Variants in MED13L observed in about 807,000 individuals in gnomAD.
MED13L encodes mediator complex subunit 13L.
MED13L carries 7 observed loss-of-function variants against 220.9 expected under a neutral mutation model. That is an observed-to-expected ratio of 0.03 (90% CI 0.02 to 0.06). MED13L has a LOEUF of 0.06. Among genes scored for constraint, MED13L ranks in the 10% least tolerant of loss-of-function variants. MED13L has a pLI of 1.00. For missense variants in MED13L, 1,965 were observed against 2,760.5 expected, an observed-to-expected ratio of 0.71 and a Z score of 6.46; for synonymous variants, 1,011 against 1,015.2, an observed-to-expected ratio of 1.00 and a Z score of 0.08.
At chr12:116,195,692 C>T (rs1287777687) in intron 2 of MED13L, among the ~76,000 whole-genome samples, 1 of 151,998 alleles carries the variant, frequency 6.6e-6, no homozygotes, top group Non-Finnish European at 1.5e-5. Context: ...CTCAAGCGAT[C>T]CACCCACCTC....
rs369723179 is a variant in MED13L, at chr12:116,027,413, CTG to C, written c.480-4814_480-4813del. Reference sequence around the variant, plus strand: ...CTCCAGCCGGGGTGACAGAGAGACTCTGTCTCAAAACAAACAAACAAACAAAC... The same window carrying C: ...CTCCAGCCGGGGTGACAGAGAGACTCTCTCAAAACAAACAAACAAACAAAC... On this transcript the variant is annotated intron_variant, in intron 4 of 30. Transcript: ENST00000281928. Among the ~76,000 whole-genome samples, 197 of 152,252 alleles carry C rather than the reference CTG, an allele frequency of 1.3e-3. 1 individual carries two copies. Among genetic ancestry groups the C allele is most frequent in the Middle Eastern group, 3.4e-3 (1 of 294 alleles).
chr12:116,210,085 C>T (rs564812435), intron 2 of MED13L, among the ~76,000 whole-genome samples: 5 of 152,254 alleles, frequency 3.3e-5, no homozygotes, highest in African/African-American at 9.6e-5. Flanking sequence ...CCCACTGCAA[C>T]TTACATATGA....
intron 4 of MED13L, among the ~76,000 whole-genome samples, chr12:116,076,573 C>A (rs12322237): frequency 1.3e-5 from 2 of 151,952 alleles, no homozygotes; most frequent in African/African-American, 4.8e-5. Flanking sequence ...AACTACAAAA[C>A]GCACTCACTA....
chr12:116,105,144 T>C (rs1873444228), intron 3 of MED13L, among the ~76,000 whole-genome samples: 1 of 152,246 alleles, frequency 6.6e-6, no homozygotes, highest in Non-Finnish European at 1.5e-5. Flanking sequence ...GCAGATTTTT[T>C]TTCCCATCGT....
intron 2 of MED13L, among the ~76,000 whole-genome samples, chr12:116,134,440 G>A (rs1001280182): frequency 6.6e-6 from 1 of 152,032 alleles, no homozygotes; most frequent in Non-Finnish European, 1.5e-5. Context: ...ATATAACAGG[G>A]TACTAGGACG....
At chr12:116,124,640 T>G (rs1417738918) in intron 2 of MED13L, among the ~76,000 whole-genome samples, 1 of 152,186 alleles carries the variant, frequency 6.6e-6, no homozygotes, top group Non-Finnish European at 1.5e-5. Context: ...AAAACAAGAA[T>G]GTAGAATAAT....
intron 4 of MED13L, among the ~76,000 whole-genome samples, chr12:116,089,356 C>T (rs778954330): frequency 2.4e-4 from 37 of 152,002 alleles, no homozygotes; most frequent in Admixed American, 3.3e-4. Flanking sequence ...CAGCACCCGG[C>T]GATTTTCACT....
chr12:116,218,489 C>A (rs1021555823), intron 2 of MED13L, among the ~76,000 whole-genome samples: 4 of 152,148 alleles, frequency 2.6e-5, no homozygotes, highest in African/African-American at 9.6e-5. Context: ...TACTCTGAGA[C>A]TCACAGTTCA....
chr12:116,047,452 T>A (rs1881907855), intron 4 of MED13L, among the ~76,000 whole-genome samples: 2 of 152,238 alleles, frequency 1.3e-5, no homozygotes, highest in African/African-American at 4.8e-5. Flanking sequence ...ACCATTTCTT[T>A]CATTTAATTT....
At chr12:116,114,390 C>G (rs545573507) in intron 2 of MED13L, among the ~76,000 whole-genome samples, 1 of 152,324 alleles carries the variant, frequency 6.6e-6, no homozygotes, top group Admixed American at 6.5e-5. Flanking sequence ...GCAATGCCAG[C>G]TTTACCACAA....
chr12:116,156,220 T>C (rs1353413523), intron 2 of MED13L, among the ~76,000 whole-genome samples: 1 of 151,976 alleles, frequency 6.6e-6, no homozygotes, highest in East Asian at 1.9e-4. Context: ...GTAGTATAAA[T>C]ATCTTTCCAA....
At chr12:116,258,858 G>A (rs1872274191) in intron 1 of MED13L, among the ~76,000 whole-genome samples, 1 of 145,376 alleles carries the variant, frequency 6.9e-6, no homozygotes, top group South Asian at 2.1e-4. Flanking sequence ...TACCCATATA[G>A]ATGAAAAGAT....
intron 4 of MED13L, among the ~76,000 whole-genome samples, chr12:116,036,244 C>T (rs985044989): frequency 3.9e-5 from 6 of 152,168 alleles, no homozygotes; most frequent in African/African-American, 1.2e-4. Context: ...AACTGATATA[C>T]ACAGTGAAGA....
intron 2 of MED13L, among the ~76,000 whole-genome samples, chr12:116,180,327 G>A (rs1215820427): frequency 5.3e-5 from 8 of 152,104 alleles, no homozygotes; most frequent in African/African-American, 1.9e-4. Flanking sequence ...TACCACAAGC[G>A]AAAAATTCCA....
intron 14 of MED13L, 56 bp from the exon 15 acceptor site, chr12:115,997,286 T>C (rs1421184363): frequency 2.0e-6 from 3 of 1,474,694 alleles, no homozygotes; most frequent in African/African-American, 1.4e-5. Context: ...TAAAAAGTCC[T>C]AGCTTATAGC....
chr12:116,099,260 A>G (rs1160178548), intron 3 of MED13L, among the ~76,000 whole-genome samples: 2 of 152,192 alleles, frequency 1.3e-5, no homozygotes, highest in Admixed American at 6.5e-5. Flanking sequence ...CATTTTCCCA[A>G]TTCTTTCCTT....
intron 2 of MED13L, among the ~76,000 whole-genome samples, chr12:116,149,369 A>C (rs545656886): frequency 5.3e-5 from 8 of 152,358 alleles, no homozygotes; most frequent in African/African-American, 1.4e-4. Context: ...ATTGTTAAAT[A>C]TATTCCCCCA....
At chr12:116,265,597 C>T (rs1872773267) in intron 1 of MED13L, among the ~76,000 whole-genome samples, 1 of 152,226 alleles carries the variant, frequency 6.6e-6, no homozygotes. Flanking sequence ...TAGTCATTAG[C>T]ATTTTGCGTA....
At chr12:116,127,272 GTT>G (rs1875671890) in intron 2 of MED13L, among the ~76,000 whole-genome samples, 1 of 151,872 alleles carries the variant, frequency 6.6e-6, no homozygotes, top group African/African-American at 2.4e-5. Flanking sequence ...ATGAAATTTT[GTT>G]TGTTATAACT....
Sources: allele counts gnomAD v4.1 joint callset (sites outside exome capture counted in the v4.1 genomes callset), GRCh38; gene constraint gnomAD v4.1.1; transcripts MANE v1.5; gene names NCBI Gene and HGNC (gene_info 2026-07-23, HGNC 2026-07-21).